Variants in NCALD observed in about 807,000 individuals in gnomAD.
NCALD encodes neurocalcin delta.
In NCALD, 10 loss-of-function variants were observed where a neutral mutation model predicts 18.6. That is an observed-to-expected ratio of 0.54 (90% CI 0.33 to 0.91). The LOEUF is 0.91. Among genes scored for constraint, NCALD ranks in the 40% least tolerant of loss-of-function variants. The pLI, the probability that NCALD is intolerant of heterozygous loss-of-function variation, is 0.03. For missense variants in NCALD, 184 were observed against 247.6 expected (o/e 0.74, Z 1.72); for synonymous variants, 88 against 87.4 (o/e 1.01, Z -0.04).
chr8:101,732,273 T>C (rs931741748), intron 1 of NCALD, among the ~76,000 whole-genome samples: 1 of 152,176 alleles, frequency 6.6e-6, no homozygotes, highest in Non-Finnish European at 1.5e-5. Context: ...CCTCATGGAC[T>C]GGGGAGGCAA....
At chr8:101,881,022 ACT>A (rs1404985603) in intron 4 of NCALD, among the ~76,000 whole-genome samples, 1 of 152,008 alleles carries the variant, frequency 6.6e-6, no homozygotes, top group African/African-American at 2.4e-5. Flanking sequence ...CACAAAAGAA[ACT>A]CTATTTTACA....
chr8:101,891,431 T>C (rs1437131523), intron 3 of NCALD, among the ~76,000 whole-genome samples: 1 of 152,266 alleles, frequency 6.6e-6, no homozygotes, highest in African/African-American at 2.4e-5. Flanking sequence ...AGTTGTTGCA[T>C]GTATCAGTGG....
chr8:101,936,207 C>G (rs953084369), intron 2 of NCALD, among the ~76,000 whole-genome samples: 3 of 152,144 alleles, frequency 2.0e-5, no homozygotes, highest in Non-Finnish European at 2.9e-5. Flanking sequence ...TAGTAGGATT[C>G]TAACATGGCA....
intron 2 of NCALD, among the ~76,000 whole-genome samples, chr8:101,718,167 G>C (rs946090030): frequency 6.6e-6 from 1 of 152,094 alleles, no homozygotes; most frequent in African/African-American, 2.4e-5. Context: ...AAACACTGTG[G>C]GCCTGTGAAT....
chr8:101,727,975 A>G (rs1271198280), intron 1 of NCALD, among the ~76,000 whole-genome samples: 1 of 152,214 alleles, frequency 6.6e-6, no homozygotes, highest in Non-Finnish European at 1.5e-5. Context: ...GAAATCTCTC[A>G]ACTTATTTTG....
intron 1 of NCALD, among the ~76,000 whole-genome samples, chr8:102,089,218 C>A (rs1770508115): frequency 6.6e-6 from 1 of 152,038 alleles, no homozygotes; most frequent in African/African-American, 2.4e-5. Context: ...CATGGTGAAA[C>A]CCCATCTCTA....
intron 2 of NCALD, among the ~76,000 whole-genome samples, chr8:101,985,920 C>G (rs1820790585): frequency 6.6e-6 from 1 of 152,186 alleles, no homozygotes; most frequent in South Asian, 2.1e-4. Context: ...ACACTCCCGC[C>G]ACACAAAATT....
At chr8:102,056,687 AC>A (rs1182155730) in intron 1 of NCALD, among the ~76,000 whole-genome samples, 1 of 152,160 alleles carries the variant, frequency 6.6e-6, no homozygotes. Flanking sequence ...CTGACCAAAG[AC>A]TTGTTCCACT....
intron 4 of NCALD, among the ~76,000 whole-genome samples, chr8:101,863,270 T>G (rs1303790313): frequency 6.6e-6 from 1 of 152,188 alleles, no homozygotes; most frequent in Non-Finnish European, 1.5e-5. Context: ...CTTATCAACC[T>G]TGGGGTTTTT....
intron 3 of NCALD, chr8:101,690,235 G>T (rs1261663721): frequency 6.1e-6 from 6 of 985,206 alleles, no homozygotes; most frequent in Middle Eastern, 5.2e-4. Flanking sequence ...GGACTGCAAG[G>T]CTTTTCCCAT....
intron 2 of NCALD, among the ~76,000 whole-genome samples, chr8:101,702,574 A>G (rs1191280953): frequency 1.3e-5 from 2 of 152,188 alleles, no homozygotes; most frequent in Admixed American, 6.5e-5. Context: ...CAAGATCTGT[A>G]CACTGTACTC....
chr8:101,799,692 A>C (rs1042284022), intron 4 of NCALD, among the ~76,000 whole-genome samples: 10 of 152,254 alleles, frequency 6.6e-5, no homozygotes, highest in African/African-American at 2.2e-4. Flanking sequence ...CACTGTATGA[A>C]TCCACTTCCG....
At chr8:101,988,444 T>C (rs1820911213) in intron 2 of NCALD, among the ~76,000 whole-genome samples, 1 of 152,194 alleles carries the variant, frequency 6.6e-6, no homozygotes, top group Non-Finnish European at 1.5e-5. Context: ...ACTTACTGTA[T>C]GACATCGAGA....
At chr8:102,099,710 A>G (rs1165335411) in intron 1 of NCALD, among the ~76,000 whole-genome samples, 2 of 152,116 alleles carry the variant, frequency 1.3e-5, no homozygotes, top group Non-Finnish European at 2.9e-5. Context: ...TTCAGAGGCC[A>G]AGGTGGGTGG....
intron 1 of NCALD, among the ~76,000 whole-genome samples, chr8:101,783,631 G>A (rs1378641120): frequency 6.6e-6 from 1 of 152,158 alleles, no homozygotes; most frequent in East Asian, 1.9e-4. Context: ...TGGACAAGGA[G>A]GACTGAGCAT....
At chr8:101,894,088 C>G (rs2131528662) in intron 3 of NCALD, among the ~76,000 whole-genome samples, 1 of 146,452 alleles carries the variant, frequency 6.8e-6, no homozygotes, top group East Asian at 1.9e-4. Flanking sequence ...CACACCTATT[C>G]CAAAATTGAC....
rs1308239511 is a variant in NCALD at position 101,687,853 on chromosome 8, A to C, written c.*1456T>G. ...TCTGAGGTCACCAGACCAAACAGCA[A>C]CTCAGACTTGTGCTGTCACTTCTGG... is the stretch of plus-strand genomic sequence containing the variant. On this transcript the variant is annotated 3_prime_UTR_variant, in exon 4 of 4. Transcript: ENST00000220931. 8 of 152,216 alleles carry C rather than the reference A, an allele frequency of 5.3e-5. No individual in the cohort carries two copies. Among genetic ancestry groups the C allele is most frequent in the Non-Finnish European group, 1.0e-4 (7 of 68,052 alleles). 9.4% of individuals were successfully genotyped at this position (152,216 alleles called of 1,614,324 possible).
At chr8:102,051,952 C>CA (rs1823472641) in intron 1 of NCALD, among the ~76,000 whole-genome samples, 1 of 152,212 alleles carries the variant, frequency 6.6e-6, no homozygotes, top group Non-Finnish European at 1.5e-5. Flanking sequence ...AGTAGAACTT[C>CA]AAATGGACAG....
At chr8:101,760,343 G>A (rs1371739191) in intron 1 of NCALD, among the ~76,000 whole-genome samples, 1 of 152,134 alleles carries the variant, frequency 6.6e-6, no homozygotes. Flanking sequence ...CCAGCTGGGG[G>A]CCCTCCACTG....
Sources: gnomAD v4.1 joint callset for allele counts (sites outside exome capture counted in the v4.1 genomes callset) on GRCh38, gnomAD v4.1.1 for gene constraint, MANE v1.5 for transcripts, NCBI Gene and HGNC (gene_info 2026-07-23, HGNC 2026-07-21) for gene names.